Variants in SENP5 observed in about 807,000 individuals in gnomAD.
SENP5 encodes SUMO specific peptidase 5, also known as sentrin-specific protease 5.
Under a neutral mutation model 74.2 loss-of-function variants are expected in SENP5, and 21 were observed. The observed-to-expected ratio is 0.28, with a 90% CI of 0.20 to 0.41. The LOEUF (loss-of-function observed/expected upper bound fraction) is 0.41. Among genes scored for constraint, SENP5 ranks in the 10% least tolerant of loss-of-function variants. The probability of loss-of-function intolerance (pLI) is 1.00; values close to 1 mark genes in which losing one functional copy is unlikely to be tolerated. For synonymous variants in SENP5, 311 were observed against 312.7 expected, an observed-to-expected ratio of 0.99 and a Z score of 0.06; for missense variants, 717 against 889.1, an observed-to-expected ratio of 0.81 and a Z score of 2.46.
intron 1 of SENP5, among the ~76,000 whole-genome samples, chr3:196,883,273 A>C (rs1276038618): frequency 6.6e-6 from 1 of 152,096 alleles, no homozygotes. Context: ...GTCATTGTTC[A>C]GACTTATTTT....
intron 1 of SENP5, among the ~76,000 whole-genome samples, chr3:196,881,941 C>G (rs1713744976): frequency 7.2e-6 from 1 of 138,922 alleles, no homozygotes; most frequent in Non-Finnish European, 1.5e-5. Context: ...GTCACCCAGG[C>G]TGGAGTGCAG....
chr3:196,898,133 G>A (rs999312310), intron 2 of SENP5, among the ~76,000 whole-genome samples: 13 of 148,182 alleles, frequency 8.8e-5, no homozygotes, highest in African/African-American at 3.2e-4. Flanking sequence ...AGCCGAAATC[G>A]CACCATTGCA....
chr3:196,921,479 CTTT>C (rs1715618296), intron 6 of SENP5, among the ~76,000 whole-genome samples: 1 of 152,052 alleles, frequency 6.6e-6, no homozygotes, highest in Non-Finnish European at 1.5e-5. Context: ...TGAAGTGTAT[CTTT>C]TTCTGTATTT....
At chr3:196,889,145 ATAAAT>A (rs1351595191) in intron 2 of SENP5, among the ~76,000 whole-genome samples, 1 of 151,706 alleles carries the variant, frequency 6.6e-6, no homozygotes, top group Non-Finnish European at 1.5e-5. Context: ...AAATTAGTAA[ATAAAT>A]TCTTCCTCAT....
chr3:196,878,409 T>A (rs1055664740), intron 1 of SENP5, among the ~76,000 whole-genome samples: 1 of 152,136 alleles, frequency 6.6e-6, no homozygotes, highest in African/African-American at 2.4e-5. Context: ...CATGCATAGT[T>A]AAGGATAAGG....
chr3:196,924,112 C>T (rs996737748), intron 7 of SENP5, among the ~76,000 whole-genome samples: 7 of 152,024 alleles, frequency 4.6e-5, no homozygotes, highest in Non-Finnish European at 5.9e-5. Flanking sequence ...TATGAAAACT[C>T]CTAAAGCTTT....
chr3:196,926,053 T>C (rs1439443318), intron 7 of SENP5, among the ~76,000 whole-genome samples: 2 of 148,094 alleles, frequency 1.4e-5, no homozygotes, highest in Non-Finnish European at 3.0e-5. Context: ...ATGTGTAGAT[T>C]CCATGACAGC....
intron 3 of SENP5, 49 bp downstream of exon 3, chr3:196,899,820 A>G (rs1226499831): frequency 6.4e-7 from 1 of 1,560,508 alleles, no homozygotes; most frequent in Non-Finnish European, 8.8e-7. Flanking sequence ...AATTTTTGGC[A>G]TATATGACTT....
intron 7 of SENP5, among the ~76,000 whole-genome samples, chr3:196,925,168 T>G (rs1577848072): frequency 1.8e-5 from 1 of 55,290 alleles, no homozygotes; most frequent in South Asian, 4.4e-4. Context: ...TCATTTTGCG[T>G]TTTTTTTTTT....
intron 1 of SENP5, among the ~76,000 whole-genome samples, chr3:196,871,780 G>C (rs1483768277): frequency 6.6e-6 from 1 of 151,462 alleles, no homozygotes; most frequent in Non-Finnish European, 1.5e-5. Flanking sequence ...TCTTGAACCT[G>C]GGAGGTGGAG....
intron 6 of SENP5, among the ~76,000 whole-genome samples, chr3:196,903,892 A>G (rs889631503): frequency 1.3e-5 from 2 of 152,188 alleles, no homozygotes; most frequent in East Asian, 1.9e-4. Context: ...GCTTTCAACA[A>G]TTTTTTGCTG....
chr3:196,914,601 A>ATG (rs1334787319), intron 6 of SENP5: 31 of 117,762 alleles, frequency 2.6e-4, no homozygotes, highest in African/African-American at 1.0e-3. Flanking sequence ...ATATATATAT[A>ATG]TATATATATA....
chr3:196,922,783 G>A (rs188092976), intron 6 of SENP5, among the ~76,000 whole-genome samples: 4 of 152,088 alleles, frequency 2.6e-5, no homozygotes, highest in African/African-American at 4.8e-5. Flanking sequence ...CACCACGCCC[G>A]GTTAGTTTTT....
At chr3:196,872,791 C>T (rs1272262010) in intron 1 of SENP5, among the ~76,000 whole-genome samples, 1 of 152,094 alleles carries the variant, frequency 6.6e-6, no homozygotes, top group Non-Finnish European at 1.5e-5. Flanking sequence ...CAGAGGCTAC[C>T]GTATTGGGCA....
intron 1 of SENP5, among the ~76,000 whole-genome samples, chr3:196,876,368 A>C (rs1164622298): frequency 6.6e-6 from 1 of 151,694 alleles, no homozygotes; most frequent in Admixed American, 6.6e-5. Flanking sequence ...CTAAAAATAC[A>C]AAAAAAATTA....
chr3:196,878,479 T>G (rs993773978), intron 1 of SENP5, among the ~76,000 whole-genome samples: 1 of 152,344 alleles, frequency 6.6e-6, no homozygotes, highest in South Asian at 2.1e-4. Flanking sequence ...CTTTTTTTCC[T>G]GACATAGTTC....
intron 1 of SENP5, among the ~76,000 whole-genome samples, chr3:196,883,753 A>G (rs529678444): frequency 2.0e-5 from 3 of 152,096 alleles, no homozygotes; most frequent in East Asian, 1.9e-4. Flanking sequence ...CAGTGGCGCA[A>G]TCTTGGCTCA....
intron 6 of SENP5, among the ~76,000 whole-genome samples, chr3:196,906,863 A>T (rs983780080): frequency 2.6e-5 from 4 of 152,218 alleles, no homozygotes; most frequent in African/African-American, 9.7e-5. Context: ...ATGGATGGGT[A>T]TGGGAGCAAA....
intron 6 of SENP5, among the ~76,000 whole-genome samples, chr3:196,922,671 A>G (rs1715665968): frequency 6.6e-6 from 1 of 151,958 alleles, no homozygotes; most frequent in African/African-American, 2.4e-5. Flanking sequence ...CCCAGGCTGG[A>G]GTGCAGTGGT....
Sources: gnomAD v4.1 joint callset for allele counts (sites outside exome capture counted in the v4.1 genomes callset) on GRCh38, gnomAD v4.1.1 for gene constraint, MANE v1.5 for transcripts, NCBI Gene and HGNC (gene_info 2026-07-23, HGNC 2026-07-21) for gene names.